CACNA1E: variants seen among roughly 807,000 people sequenced by gnomAD.
CACNA1E encodes calcium voltage-gated channel subunit alpha1 E, also known as voltage-dependent R-type calcium channel subunit alpha-1E.
A neutral mutation model predicts 259.2 loss-of-function variants in CACNA1E; 40 were observed. That is an observed-to-expected ratio of 0.15 (90% CI 0.12 to 0.20). The LOEUF is 0.20. Ranked by LOEUF, CACNA1E falls within the 10% of genes least tolerant of loss-of-function variation. The pLI is 1.00. For missense variants in CACNA1E, 1,874 were observed against 3,040.1 expected (o/e 0.62, Z 9.02); for synonymous variants, 1,104 against 1,138.5 (o/e 0.97, Z 0.61).
intron 7 of CACNA1E, among the ~76,000 whole-genome samples, chr1:181,688,345 A>T (rs2877712): frequency 0.81 from 122,698 of 152,152 alleles, 49,737 homozygotes; most frequent in Non-Finnish European, 0.85. Flanking sequence ...TTCGCTGCTG[A>T]GCAGAATTCT....
intron 3 of CACNA1E, among the ~76,000 whole-genome samples, chr1:181,548,386 A>G (rs12028828): frequency 6.6e-6 from 1 of 152,192 alleles, no homozygotes; most frequent in African/African-American, 2.4e-5. Flanking sequence ...TTGGCCTCCC[A>G]AAGTGCTGGG....
chr1:181,360,570 G>A (rs181976845), intron 1 of CACNA1E, among the ~76,000 whole-genome samples: 2 of 152,164 alleles, frequency 1.3e-5, no homozygotes, highest in Middle Eastern at 3.2e-3. Flanking sequence ...GACTAGGGGT[G>A]GGGGAGAATT....
chr1:181,327,689 G>A (rs1031073576), intron 1 of CACNA1E, among the ~76,000 whole-genome samples: 4 of 152,218 alleles, frequency 2.6e-5, no homozygotes, highest in Non-Finnish European at 5.9e-5. Flanking sequence ...AAGGTTCTGG[G>A]TTGGGAGAAT....
chr1:181,658,567 T>A (rs1051533967), intron 7 of CACNA1E, among the ~76,000 whole-genome samples: 8 of 152,192 alleles, frequency 5.3e-5, no homozygotes, highest in African/African-American at 1.9e-4. Context: ...ACATACATTT[T>A]CTCAGCCTCT....
rs1662033482 is a variant in CACNA1E at position 181,798,652 on chromosome 1, G to A, written c.6760G>A (p.Ala2254Thr). 1 of 1,610,044 alleles carries A rather than the reference G, an allele frequency of 6.2e-7. No individual in the cohort carries two copies. Among genetic ancestry groups the A allele is most frequent in the Non-Finnish European group, 8.5e-7 (1 of 1,177,450 alleles). The change falls in exon 48 of 48, where the codon GCA becomes ACA. Residue 2254 changes from alanine to threonine, a missense_variant. Ala to Thr is a moderately conservative substitution (Grantham distance 58). This residue lies in a region of CACNA1E where 542 missense variants were observed against 587.2 expected (regional missense o/e 0.92). Transcript: ENST00000367573. This position sits in a 1 kb window ranked among gnomAD's most constrained non-coding sequence, Gnocchi z 4.2. ...CGEEETLTFEAAVATSLGRSN... is the reference protein window; with the variant it reads ...CGEEETLTFETAVATSLGRSN... ...TGAGGAGGAGACGCTCACTTTCGAA[G>A]CAGCCGTGGCTACTAGCCTGGGCCG...
intron 3 of CACNA1E, among the ~76,000 whole-genome samples, chr1:181,551,437 T>G (rs1229185080): frequency 2.0e-5 from 3 of 152,216 alleles, no homozygotes; most frequent in African/African-American, 7.2e-5. Flanking sequence ...CCCAGGCTGC[T>G]GAAGCTTTTG....
At chr1:181,397,138 G>A (rs1656732620) in intron 1 of CACNA1E, among the ~76,000 whole-genome samples, 1 of 152,184 alleles carries the variant, frequency 6.6e-6, no homozygotes, top group Non-Finnish European at 1.5e-5. Flanking sequence ...GTAAAAAAGG[G>A]CAGAGGTCTA....
At chr1:181,347,232 C>T (rs1215534869) in intron 1 of CACNA1E, among the ~76,000 whole-genome samples, 5 of 152,124 alleles carry the variant, frequency 3.3e-5, no homozygotes, top group Admixed American at 6.5e-5. Context: ...CGGTTTGTTT[C>T]GCTTCTAACC....
intron 7 of CACNA1E, 137 bp downstream of exon 7, chr1:181,651,578 G>A (rs1658762195): frequency 3.3e-6 from 2 of 613,936 alleles, no homozygotes; most frequent in Non-Finnish European, 5.8e-6. Context: ...TGTGCCAAAT[G>A]CTTTCTAGAT....
chr1:181,392,877 T>C (rs770461945), intron 1 of CACNA1E, among the ~76,000 whole-genome samples: 1 of 152,144 alleles, frequency 6.6e-6, no homozygotes. Context: ...GGAGGTATTG[T>C]GTGATATTGG....
rs530466385 is a variant in CACNA1E at position 181,350,273 on chromosome 1, C to T, written c.-15+32150C>T. ...TCATCAGTCAGGCTGAAATCACTCC[C>T]GTGGAGCCTTCGCGGAGGATGTGTG... is the stretch of plus-strand genomic sequence containing the variant. On this transcript the variant is annotated intron_variant, in intron 1 of 11. Coordinates refer to the CACNA1E transcript ENST00000524607. 7.2e-5 allele frequency among the ~76,000 whole-genome samples: 11 copies of T among 152,344 alleles called. No homozygotes were observed. In the South Asian group the frequency reaches 2.1e-3, roughly 29 times the overall value.
At chr1:181,381,511 G>A (rs1003114362) in intron 1 of CACNA1E, among the ~76,000 whole-genome samples, 7 of 152,284 alleles carry the variant, frequency 4.6e-5, no homozygotes, top group African/African-American at 1.7e-4. Context: ...AGGAAGTGGG[G>A]AGGGGTAAGG....
chr1:181,379,003 C>A (rs1251246341), intron 1 of CACNA1E, among the ~76,000 whole-genome samples: 1 of 152,106 alleles, frequency 6.6e-6, no homozygotes, highest in African/African-American at 2.4e-5. Context: ...CAGGAAAATA[C>A]ACCCATAATG....
At chr1:181,660,030 C>G (rs1042728026) in intron 7 of CACNA1E, among the ~76,000 whole-genome samples, 1 of 152,188 alleles carries the variant, frequency 6.6e-6, no homozygotes, top group Non-Finnish European at 1.5e-5. Flanking sequence ...GATGTACACA[C>G]TAATTCACAC....
At position 181,799,959 on chromosome 1, in the gene CACNA1E, C is replaced by G. The variant is rs1004066323; in HGVS notation, c.*1125C>G. ...TGCCAAGCCCGGTAAGGCCAAGTGC[C>G]GAGGCCCAGCCTTCCCTGCCACTCC... On this transcript the variant is annotated 3_prime_UTR_variant, in exon 48 of 48. Transcript: ENST00000367573. 5 of 152,488 alleles carry G rather than the reference C, an allele frequency of 3.3e-5. No individual in the cohort carries two copies. Among genetic ancestry groups the G allele is most frequent in the African/African-American group, 1.2e-4 (5 of 41,582 alleles). The allele number at this position is 152,488 out of a possible 1,614,324, so 9.4% of individuals were successfully genotyped here.
At chr1:181,762,300 T>C (rs373856502) in intron 32 of CACNA1E, among the ~76,000 whole-genome samples, 425 of 152,316 alleles carry the variant, frequency 2.8e-3, no homozygotes, top group Middle Eastern at 6.8e-3. Flanking sequence ...AAAAAACTTT[T>C]TTTACATATG....
rs59685126 is a variant in CACNA1E at position 181,573,570 on chromosome 1, GAGTCTTTCA to G, written c.513-4193_513-4185del. Among the ~76,000 whole-genome samples the G allele has an allele frequency of 5.8e-3, 876 of 152,322 alleles. 5 individuals are homozygous for G. The highest frequency in any genetic ancestry group is 0.02 in the African/African-American group (839 of 41,574). ...ACAGGATCTGTCCAGTCCTCAGTAAGAGTCTTTCAAGAATATTACCATCTCAACACCAGT... is the reference window on the plus strand; with the variant it reads ...ACAGGATCTGTCCAGTCCTCAGTAAGAGAATATTACCATCTCAACACCAGT... On this transcript the variant is annotated intron_variant, in intron 3 of 47. Coordinates refer to ENST00000367573, the MANE Select transcript of CACNA1E (RefSeq NM_001205293.3).
intron 25 of CACNA1E, among the ~76,000 whole-genome samples, chr1:181,740,555 G>A (rs561869207): frequency 6.6e-6 from 1 of 152,278 alleles, no homozygotes; most frequent in East Asian, 1.9e-4. Context: ...CTCTTAAGGA[G>A]AGGTACAAGA....
chr1:181,775,858 T>G (rs1423743624), intron 37 of CACNA1E, among the ~76,000 whole-genome samples: 1 of 152,180 alleles, frequency 6.6e-6, no homozygotes, highest in Non-Finnish European at 1.5e-5. Flanking sequence ...ATTTGCTATC[T>G]GACCAGTTCA....
Sources: allele counts gnomAD v4.1 joint callset (sites outside exome capture counted in the v4.1 genomes callset), GRCh38; gene constraint gnomAD v4.1.1; regional missense constraint gnomAD v4.1.1; non-coding constraint Gnocchi (gnomAD v3.1); transcripts MANE v1.5; gene names NCBI Gene and HGNC (gene_info 2026-07-23, HGNC 2026-07-21).